The following MEGF9 variants were observed in gnomAD, a reference collection of about 807,000 sequenced individuals.
The protein encoded by MEGF9 is multiple epidermal growth factor-like domains protein 9.
MEGF9 carries 6 observed loss-of-function variants against 46.8 expected under a neutral mutation model. The observed-to-expected ratio is 0.13, with a 90% CI of 0.07 to 0.25. MEGF9 has a LOEUF of 0.25. MEGF9 is among the 10% of genes least tolerant of loss of function. The pLI is 1.00. For missense variants in MEGF9, 683 were observed against 792.4 expected (o/e 0.86, Z 1.66); for synonymous variants, 302 against 330.7 (o/e 0.91, Z 0.94).
At chr9:120,665,404 C>A (rs564620794) in intron 1 of MEGF9, among the ~76,000 whole-genome samples, 5 of 152,224 alleles carry the variant, frequency 3.3e-5, no homozygotes, top group African/African-American at 1.2e-4. Flanking sequence ...GGTGTTTCAC[C>A]ATGTTGTTAA....
chr9:120,704,325 C>T lies in MEGF9; in HGVS notation c.601+9433G>A, dbSNP rs895873094. Among the ~76,000 whole-genome samples the T allele has an allele frequency of 4.6e-5, 7 of 150,724 alleles. No homozygotes were observed. The East Asian group carries it at 1.4e-3, about 29-fold the overall frequency. ...TCCCAGCCTGGGCGACAGAGCGAGA[C>T]TGTGTCTCAAAAAAAAAAAAAAGAG... On this transcript the variant is annotated intron_variant, in intron 1 of 5. Transcript: ENST00000373930.
intron 5 of MEGF9, among the ~76,000 whole-genome samples, chr9:120,607,527 G>A (rs984715547): frequency 2.0e-5 from 3 of 152,192 alleles, no homozygotes; most frequent in Non-Finnish European, 4.4e-5. Context: ...TTGTCTCACT[G>A]TCGCAATGAC....
chr9:120,693,512 T>C (rs750081810), intron 1 of MEGF9, among the ~76,000 whole-genome samples: 1 of 152,194 alleles, frequency 6.6e-6, no homozygotes, highest in Admixed American at 6.5e-5. Flanking sequence ...ATGCTTACAT[T>C]CTGATAAACT....
At chr9:120,687,703 T>TGTG (rs2043829518) in intron 1 of MEGF9, among the ~76,000 whole-genome samples, 1 of 147,600 alleles carries the variant, frequency 6.8e-6, no homozygotes, top group African/African-American at 2.6e-5. Flanking sequence ...TGTGTGTGTG[T>TGTG]GTGTGTAAAC....
intron 1 of MEGF9, among the ~76,000 whole-genome samples, chr9:120,676,715 T>C (rs946245964): frequency 6.6e-6 from 1 of 152,222 alleles, no homozygotes; most frequent in Non-Finnish European, 1.5e-5. Context: ...AACTGTTTCA[T>C]ACAACTGCTT....
intron 1 of MEGF9, among the ~76,000 whole-genome samples, chr9:120,660,235 C>T (rs193073422): frequency 5.3e-5 from 8 of 152,004 alleles, no homozygotes; most frequent in African/African-American, 1.2e-4. Context: ...TTTCACTTTT[C>T]GAAAGAAATA....
At chr9:120,681,176 C>A (rs2043797308) in intron 1 of MEGF9, among the ~76,000 whole-genome samples, 2 of 152,020 alleles carry the variant, frequency 1.3e-5, no homozygotes, top group Admixed American at 6.6e-5. Context: ...GAGCCCACGG[C>A]CCCACAGTGT....
intron 3 of MEGF9, among the ~76,000 whole-genome samples, chr9:120,619,714 C>G (rs1277169984): frequency 3.3e-5 from 5 of 152,112 alleles, no homozygotes; most frequent in Admixed American, 3.3e-4. Flanking sequence ...AGAATTCTTT[C>G]CTTAGAATAG....
At chr9:120,671,519 T>A (rs1486122719) in intron 1 of MEGF9, among the ~76,000 whole-genome samples, 1 of 152,222 alleles carries the variant, frequency 6.6e-6, no homozygotes, top group Non-Finnish European at 1.5e-5. Flanking sequence ...ATTCAACAAC[T>A]TTGATGAAAT....
chr9:120,690,001 T>A (rs756624528), intron 1 of MEGF9: 1 of 527,966 alleles, frequency 1.9e-6, no homozygotes, highest in Non-Finnish European at 3.9e-6. Context: ...TTCAGCTGAA[T>A]AAACAAAGAC....
chr9:120,700,962 A>T (rs1369226625), intron 1 of MEGF9, among the ~76,000 whole-genome samples: 6 of 150,854 alleles, frequency 4.0e-5, no homozygotes, highest in African/African-American at 1.5e-4. Context: ...AAATTAGTTT[A>T]AAAAAAATTA....
At chr9:120,707,909 G>A (rs1423308920) in intron 1 of MEGF9, among the ~76,000 whole-genome samples, 2 of 152,196 alleles carry the variant, frequency 1.3e-5, no homozygotes, top group African/African-American at 4.8e-5. Flanking sequence ...GCTGGGTATG[G>A]TTGCGCATGC....
intron 3 of MEGF9, among the ~76,000 whole-genome samples, chr9:120,614,131 C>T (rs1354657474): frequency 6.6e-6 from 1 of 152,062 alleles, no homozygotes; most frequent in Admixed American, 6.5e-5. Context: ...TCAAGTGATC[C>T]TCCTGCCTCA....
rs1226131318 is a variant in MEGF9, at chr9:120,622,778, T to C, written c.804-23A>G. 3.7e-6 allele frequency: 6 copies of C among 1,610,016 alleles called. No homozygotes were observed. In the South Asian group the frequency reaches 6.6e-5, roughly 18 times the overall value. ...GAACTGCAAATAAAAGCAAAGACAA[T>C]GAATAAAAGTAAATCAATTTAAAAG... is the stretch of plus-strand genomic sequence containing the variant. On this transcript the variant is annotated intron_variant, in intron 2 of 5. Transcript: ENST00000373930.
chr9:120,708,365 A>AAAAAC (rs1333083458), intron 1 of MEGF9, among the ~76,000 whole-genome samples: 4 of 152,340 alleles, frequency 2.6e-5, no homozygotes, highest in Middle Eastern at 3.4e-3. Flanking sequence ...CTCCGTCTCC[A>AAAAAC]AAAACAAAAC....
intron 1 of MEGF9, among the ~76,000 whole-genome samples, chr9:120,705,639 C>G (rs1269165753): frequency 6.7e-6 from 1 of 150,042 alleles, no homozygotes; most frequent in East Asian, 2.0e-4. Flanking sequence ...TATTTTGATA[C>G]AAATTTATCA....
At chr9:120,673,629 T>C in intron 1 of MEGF9, among the ~76,000 whole-genome samples, 1 of 151,494 alleles carries the variant, frequency 6.6e-6, no homozygotes, top group East Asian at 1.9e-4. Context: ...TGGACATCCA[T>C]AAACAAAAGA....
chr9:120,620,775 C>G (rs1388462180), intron 3 of MEGF9, among the ~76,000 whole-genome samples: 2 of 151,766 alleles, frequency 1.3e-5, no homozygotes, highest in Non-Finnish European at 2.9e-5. Context: ...AAAAGCCAGT[C>G]TGACTGGATC....
At chr9:120,624,064 T>C (rs2043513137) in intron 2 of MEGF9, among the ~76,000 whole-genome samples, 1 of 152,226 alleles carries the variant, frequency 6.6e-6, no homozygotes, top group Non-Finnish European at 1.5e-5. Context: ...GTTCCCAAAG[T>C]AGTTGCTATT....
Sources: gnomAD v4.1 joint callset for allele counts (sites outside exome capture counted in the v4.1 genomes callset) on GRCh38, gnomAD v4.1.1 for gene constraint, MANE v1.5 for transcripts, NCBI Gene and HGNC (gene_info 2026-07-23, HGNC 2026-07-21) for gene names.